Variants in GRAMD1C observed in about 807,000 individuals in gnomAD.
GRAMD1C encodes the protein GRAM domain containing 1C, also known as protein Aster-C.
A neutral mutation model predicts 97.8 loss-of-function variants in GRAMD1C; 89 were observed. The ratio of observed to expected loss-of-function variants is 0.91; its 90% CI spans 0.77 to 1.09. The LOEUF (loss-of-function observed/expected upper bound fraction) is 1.09. Among genes scored for constraint, GRAMD1C ranks in the 50% least tolerant of loss-of-function variants. GRAMD1C has a pLI of 0.00. For missense variants in GRAMD1C, 740 were observed against 766.4 expected (o/e 0.97, Z 0.41); for synonymous variants, 256 against 267.0 (o/e 0.96, Z 0.40).
chr3:113,917,619 G>A (rs1936873385), intron 10 of GRAMD1C, among the ~76,000 whole-genome samples: 2 of 152,040 alleles, frequency 1.3e-5, no homozygotes, highest in African/African-American at 4.8e-5. Context: ...ACTGCACCCA[G>A]CCGCAATTTA....
chr3:113,894,758 A>G (rs1935867512), intron 6 of GRAMD1C, among the ~76,000 whole-genome samples: 1 of 152,166 alleles, frequency 6.6e-6, no homozygotes, highest in African/African-American at 2.4e-5. Context: ...AAGAGACAGA[A>G]TGTCTTTTCA....
At chr3:113,925,684 T>C (rs1937210452) in intron 10 of GRAMD1C, among the ~76,000 whole-genome samples, 1 of 152,222 alleles carries the variant, frequency 6.6e-6, no homozygotes, top group African/African-American at 2.4e-5. Context: ...CAATGGTCTA[T>C]GTACTTAAGT....
chr3:113,908,800 T>A (rs183344747), intron 8 of GRAMD1C, among the ~76,000 whole-genome samples, 158 bp from the exon 9 acceptor site: 1 of 152,302 alleles, frequency 6.6e-6, no homozygotes, highest in Admixed American at 6.5e-5. Context: ...GGACCGACAT[T>A]TAATAGCATG....
intron 2 of GRAMD1C, among the ~76,000 whole-genome samples, chr3:113,857,080 C>T (rs546242197): frequency 6.6e-6 from 1 of 152,166 alleles, no homozygotes; most frequent in South Asian, 2.1e-4. Flanking sequence ...CTCAAGTGAT[C>T]CACCTGCCTT....
In GRAMD1C at chr3:113,877,829, AG is replaced by A. The variant is rs1268054226; in HGVS notation, c.459+1571del. The stretch of plus-strand genomic sequence containing the variant: ...GTTTTGTTTTTATTGCCCAGGCTCA[AG>A]GCAATGGTGTGATCTTCGCTTACTG... On this transcript the variant is annotated intron_variant, in intron 5 of 17. Coordinates refer to ENST00000358160, the MANE Select transcript of GRAMD1C (RefSeq NM_017577.5). 2.0e-5 allele frequency among the ~76,000 whole-genome samples: 3 copies of A among 152,002 alleles called. No individual in the cohort carries two copies. The East Asian group carries it at 5.8e-4, about 29-fold the overall frequency.
chr3:113,850,602 T>C (rs925691220), intron 2 of GRAMD1C: 19 of 1,607,612 alleles, frequency 1.2e-5, no homozygotes, highest in African/African-American at 2.7e-5. Context: ...CTTCATGACA[T>C]GAAGGTTGGG....
At position 113,945,464 on chromosome 3, in the gene GRAMD1C, G is replaced by A. The variant is rs1167368304; in HGVS notation, c.1975G>A (p.Ala659Thr). ...ACTAAATAAGAATAAGACTGGCATG[G>A]CTGTTGAAAGCTAGTGATCTGAAGG... ...DLLNKNKTGM[A>T]VES The change falls in exon 18 of 18, where the codon GCT (alanine) becomes ACT (threonine). Residue 659 changes from alanine to threonine, a missense_variant. Physicochemically the swap from Ala to Thr is moderately conservative, Grantham distance 58 (BLOSUM62 0). Coordinates refer to ENST00000358160, the MANE Select transcript of GRAMD1C (RefSeq NM_017577.5). 1 of 1,579,350 alleles carries A rather than the reference G, an allele frequency of 6.3e-7. No individual in the cohort carries two copies. Among genetic ancestry groups the A allele is most frequent in the East Asian group, 2.2e-5 (1 of 44,604 alleles).
Position 113,847,876 on chromosome 3 carries a change from G to A in GRAMD1C, c.174+3227G>A, listed in dbSNP as rs140964066. Among the ~76,000 whole-genome samples the A allele has an allele frequency of 1.3e-3, 195 of 152,316 alleles. 1 individual carries two copies. The highest frequency in any genetic ancestry group is 4.5e-3 in the African/African-American group (186 of 41,574). ...GGAAGACAAGTAGCATAACAGGAAT[G>A]TATTCATAAGGCACATGACCTGGTA... On this transcript the variant is annotated intron_variant, in intron 2 of 17. Coordinates refer to ENST00000358160, the MANE Select transcript of GRAMD1C (RefSeq NM_017577.5).
rs139075328 is a variant in GRAMD1C, at chr3:113,843,818, A to T, written c.28-685A>T. ...TGTATAAATCAGAGCTTATTTACTA[A>T]TTTCTCTATTGATGGACGGTGAGGT... On this transcript the variant is annotated intron_variant, in intron 1 of 17. Transcript: ENST00000358160. Among the ~76,000 whole-genome samples the T allele has an allele frequency of 5.9e-5, 9 of 152,256 alleles. No homozygotes were observed. In the East Asian group the frequency reaches 1.7e-3, roughly 29 times the overall value.
chr3:113,859,135 C>T (rs947233761), intron 2 of GRAMD1C, among the ~76,000 whole-genome samples: 3 of 151,862 alleles, frequency 2.0e-5, no homozygotes, highest in African/African-American at 7.3e-5. Flanking sequence ...ATATTTTACT[C>T]TTTCTCTTCT....
At chr3:113,897,841 T>C in intron 6 of GRAMD1C, 2 of 736,342 alleles carry the variant, frequency 2.7e-6, no homozygotes, top group Non-Finnish European at 3.3e-6. Flanking sequence ...GTTTAAAATT[T>C]AGGTTGTTTT....
In GRAMD1C at chr3:113,838,865, G is replaced by T. The variant is rs1312200371; in HGVS notation, c.-45G>T. 8.2e-7 allele frequency: 1 copy of T among 1,221,664 alleles called. No homozygotes were observed. The highest frequency in any genetic ancestry group is 1.0e-6 in the Non-Finnish European group (1 of 978,416). The allele number at this position is 1,221,664 out of a possible 1,614,324, so 75.7% of individuals were successfully genotyped here. A position where few individuals can be genotyped will look rare whatever the true frequency, so the allele number is the denominator to read the frequency against. ...CTGGAGGTGGGCGCGGGGCGGTGCG[G>T]TGCGGTGCGCGCGGGGCGGTGCCGC... On this transcript the variant is annotated 5_prime_UTR_variant, in exon 1 of 18. Transcript: ENST00000358160.
intron 9 of GRAMD1C, among the ~76,000 whole-genome samples, chr3:113,911,169 G>GACACACACAC (rs1475648451): frequency 6.6e-4 from 3 of 4,548 alleles, no homozygotes; most frequent in African/African-American, 2.1e-3. Context: ...ACAACAGAGA[G>GACACACACAC]AGAGACACAC....
intron 17 of GRAMD1C, among the ~76,000 whole-genome samples, chr3:113,941,975 GCATGAACACGGCT>G (rs760635371): frequency 3.3e-5 from 5 of 150,668 alleles, no homozygotes; most frequent in Non-Finnish European, 2.9e-5. Flanking sequence ...GAGTGCAGTG[GCATGAACACGGCT>G]CACTGCAGCC....
intron 2 of GRAMD1C, among the ~76,000 whole-genome samples, chr3:113,864,559 G>A (rs1003751386): frequency 3.9e-5 from 6 of 151,976 alleles, no homozygotes; most frequent in African/African-American, 1.2e-4. Flanking sequence ...CTCAGGTTTG[G>A]CCATCCCCAA....
At chr3:113,862,844 G>A (rs957851544) in intron 2 of GRAMD1C, among the ~76,000 whole-genome samples, 2 of 152,168 alleles carry the variant, frequency 1.3e-5, no homozygotes, top group Non-Finnish European at 2.9e-5. Flanking sequence ...CATGGCTTCA[G>A]CCGGTCCCTC....
intron 17 of GRAMD1C, among the ~76,000 whole-genome samples, chr3:113,943,541 A>G (rs1009828211): frequency 2.0e-5 from 3 of 152,218 alleles, no homozygotes; most frequent in Non-Finnish European, 4.4e-5. Context: ...TGTTATATAC[A>G]TGGAATAATA....
At chr3:113,886,143 G>A (rs989406841) in intron 6 of GRAMD1C, 1 of 1,466,872 alleles carries the variant, frequency 6.8e-7, no homozygotes, top group Non-Finnish European at 9.0e-7. Flanking sequence ...CCTGGGCAGG[G>A]TCTGCCCCTC....
chr3:113,886,102 C>G lies in GRAMD1C; in HGVS notation c.540+3270C>G, dbSNP rs3796245. The G allele has an allele frequency of 6.7e-6, 10 of 1,488,940 alleles. No individual in the cohort carries two copies. In the East Asian group the frequency reaches 2.3e-4, roughly 35 times the overall value. 92.2% of individuals were successfully genotyped at this position (1,488,940 alleles called of 1,614,324 possible). ...AAAGGGATGGCGAGCCCTTGGGATG[C>G]CATCTGATGCCCTGTCCAATGTGAG... On this transcript the variant is annotated intron_variant, in intron 6 of 17. Transcript: ENST00000358160.
Sources: gnomAD v4.1 joint callset for allele counts (sites outside exome capture counted in the v4.1 genomes callset) on GRCh38, gnomAD v4.1.1 for gene constraint, MANE v1.5 for transcripts, NCBI Gene and HGNC (gene_info 2026-07-23, HGNC 2026-07-21) for gene names.